Variants in ADK observed in about 807,000 individuals in gnomAD.
ADK encodes the protein N6,N6-dimethyladenosine kinase.
Under a neutral mutation model 44.7 loss-of-function variants are expected in ADK, and 24 were observed. That is an observed-to-expected ratio of 0.54 (90% CI 0.39 to 0.76). The LOEUF (loss-of-function observed/expected upper bound fraction) is 0.76, where lower values mean the gene tolerates loss of function less well. ADK is among the 30% of genes least tolerant of loss of function. The probability of loss-of-function intolerance (pLI) is 0.00; values close to 1 mark genes in which losing one functional copy is unlikely to be tolerated. For missense variants in ADK, 321 were observed against 425.1 expected, an observed-to-expected ratio of 0.76 and a Z score of 2.15; for synonymous variants, 128 against 142.6, an observed-to-expected ratio of 0.90 and a Z score of 0.73.
intron 1 of ADK, chr10:74,174,580 GA>G (rs1276055887): frequency 6.6e-6 from 1 of 152,196 alleles, no homozygotes; most frequent in Non-Finnish European, 1.5e-5. Context: ...CTGATGGTGT[GA>G]AATGTGGATT....
At chr10:74,201,807 C>T (rs984750673) in intron 2 of ADK, among the ~76,000 whole-genome samples, 2 of 151,842 alleles carry the variant, frequency 1.3e-5, no homozygotes, top group Non-Finnish European at 2.9e-5. Flanking sequence ...ATAACGGGGG[C>T]ACTACTATAT....
At chr10:74,201,750 C>T (rs545064274) in intron 2 of ADK, among the ~76,000 whole-genome samples, 1 of 151,390 alleles carries the variant, frequency 6.6e-6, no homozygotes, top group South Asian at 2.1e-4. Flanking sequence ...CAGTACTATC[C>T]ATGGTTTCAG....
chr10:74,303,244 C>G (rs1840120956), intron 3 of ADK, among the ~76,000 whole-genome samples: 1 of 152,134 alleles, frequency 6.6e-6, no homozygotes, highest in Non-Finnish European at 1.5e-5. Flanking sequence ...AAAACATACT[C>G]TTGTGCTTAT....
At chr10:74,372,755 T>A (rs1592117172) in intron 4 of ADK, among the ~76,000 whole-genome samples, 1 of 152,296 alleles carries the variant, frequency 6.6e-6, no homozygotes, top group Middle Eastern at 3.4e-3. Flanking sequence ...GATTTAATAT[T>A]TTTAGGATGG....
At chr10:74,628,867 AGACTAGGAGG>A (rs1490281857) in intron 9 of ADK, among the ~76,000 whole-genome samples, 1 of 152,182 alleles carries the variant, frequency 6.6e-6, no homozygotes, top group African/African-American at 2.4e-5. Context: ...TAGAAGGCAG[AGACTAGGAGG>A]GATAATCAGT....
At chr10:74,587,720 C>G (rs1403853158) in intron 7 of ADK, among the ~76,000 whole-genome samples, 1 of 149,940 alleles carries the variant, frequency 6.7e-6, no homozygotes, top group Non-Finnish European at 1.5e-5. Context: ...TGTAGAGACT[C>G]TTGACAGTTG....
chr10:74,177,945 A>ATATTTTTTTT (rs10693309), intron 1 of ADK, among the ~76,000 whole-genome samples: 3 of 109,008 alleles, frequency 2.8e-5, no homozygotes, highest in East Asian at 2.3e-4. Flanking sequence ...ATATATATAT[A>ATATTTTTTTT]TTTTTTTTTT....
At chr10:74,152,429 T>C (rs1030604262) in intron 1 of ADK, among the ~76,000 whole-genome samples, 2 of 152,212 alleles carry the variant, frequency 1.3e-5, no homozygotes, top group African/African-American at 4.8e-5. Flanking sequence ...ATTCCAACTA[T>C]ATGCAGAATA....
chr10:74,248,101 G>C (rs1340231696), intron 3 of ADK, among the ~76,000 whole-genome samples: 2 of 152,172 alleles, frequency 1.3e-5, no homozygotes, highest in Non-Finnish European at 2.9e-5. Flanking sequence ...TTAATTCAAA[G>C]AAAGATAATT....
At chr10:74,588,342 G>C (rs893501067) in intron 7 of ADK, among the ~76,000 whole-genome samples, 9 of 151,808 alleles carry the variant, frequency 5.9e-5, no homozygotes, top group Admixed American at 5.9e-4. Context: ...TAGCTGGTTT[G>C]TATAAACCAA....
intron 1 of ADK, among the ~76,000 whole-genome samples, chr10:74,189,142 G>A (rs1443315471): frequency 2.0e-5 from 3 of 151,974 alleles, no homozygotes; most frequent in African/African-American, 7.3e-5. Flanking sequence ...TTTCTTCTAA[G>A]TACTCCTTTA....
chr10:74,611,446 C>A (rs1393452737), intron 9 of ADK, among the ~76,000 whole-genome samples: 1 of 151,168 alleles, frequency 6.6e-6, no homozygotes, highest in Non-Finnish European at 1.5e-5. Context: ...GGTGCTATCA[C>A]ATCAAAATCA....
At chr10:74,231,035 G>A (rs1352184335) in intron 3 of ADK, among the ~76,000 whole-genome samples, 6 of 151,896 alleles carry the variant, frequency 4.0e-5, no homozygotes, top group Admixed American at 3.3e-4. Flanking sequence ...ACTTGGTAAC[G>A]GATCACAGAG....
Position 74,494,477 on chromosome 10 carries a change from G to A in ADK, c.556-30779G>A, listed in dbSNP as rs563686862. On this transcript the variant is annotated intron_variant, in intron 6 of 10. Transcript: ENST00000539909. ...TTTACAACTTTTAGTTTCTCCTAGA[G>A]TTTAGAATTCCCTTATCTTTTTGTT... 2.2e-3 allele frequency among the ~76,000 whole-genome samples: 337 copies of A among 152,176 alleles called. 1 individual carries two copies. The highest frequency in any genetic ancestry group is 3.8e-3 in the Non-Finnish European group (255 of 67,986).
intron 4 of ADK, among the ~76,000 whole-genome samples, chr10:74,361,062 C>G (rs1249666701): frequency 6.6e-6 from 1 of 152,154 alleles, no homozygotes; most frequent in Non-Finnish European, 1.5e-5. Flanking sequence ...CGTGCACCAC[C>G]ATGCCTGGCT....
At chr10:74,609,953 A>T (rs1007189723) in intron 9 of ADK, among the ~76,000 whole-genome samples, 1 of 152,152 alleles carries the variant, frequency 6.6e-6, no homozygotes, top group East Asian at 1.9e-4. Flanking sequence ...GTTCTGTCAC[A>T]TACCAATCAT....
Position 74,303,585 on chromosome 10 carries a change from G to GTTTTTTTTTTTTTTTTTTTTTTTTTTTTT in ADK, c.195-11080_195-11079insTTTTTTTTTTTTTTTTTTTTTTTTTTTTT, listed in dbSNP as rs1282565148. 2.7e-3 allele frequency among the ~76,000 whole-genome samples: 172 copies of GTTTTTTTTTTTTTTTTTTTTTTTTTTTTT among 64,636 alleles called. 62 individuals carry two copies. The highest frequency in any genetic ancestry group is 3.3e-3 in the Non-Finnish European group (136 of 40,788). 42.4% of individuals were successfully genotyped at this position (64,636 alleles called of 152,430 possible). A position where few individuals can be genotyped will look rare whatever the true frequency, so the allele number is the denominator to read the frequency against. On this transcript the variant is annotated intron_variant, in intron 3 of 10. Transcript: ENST00000539909. ...AAACACTTTTCATATTGGTTTTAAT[G>GTTTTTTTTTTTTTTTTTTTTTTTTTTTTT]TTGTTTTTTTTTTTTTTTTTTTTTT...
intron 6 of ADK, among the ~76,000 whole-genome samples, chr10:74,436,011 A>G (rs1845167930): frequency 6.6e-6 from 1 of 152,242 alleles, no homozygotes; most frequent in East Asian, 1.9e-4. Context: ...AGTAATTACA[A>G]AAGACAGTAT....
intron 2 of ADK, among the ~76,000 whole-genome samples, chr10:74,205,209 G>A (rs950461724): frequency 2.0e-5 from 3 of 151,980 alleles, no homozygotes; most frequent in African/African-American, 7.3e-5. Flanking sequence ...TCTATTAACT[G>A]TGTTTTTAAG....
Sources: gnomAD v4.1 joint callset for allele counts (sites outside exome capture counted in the v4.1 genomes callset) on GRCh38, gnomAD v4.1.1 for gene constraint, MANE v1.5 for transcripts, NCBI Gene and HGNC (gene_info 2026-07-23, HGNC 2026-07-21) for gene names.